Variants in HIVEP3 observed in about 807,000 individuals in gnomAD.
HIVEP3 encodes the protein HIVEP zinc finger 3, also known as transcription factor HIVEP3.
In HIVEP3, 49 loss-of-function variants were observed where a neutral mutation model predicts 152.8. That is an observed-to-expected ratio of 0.32 (90% CI 0.26 to 0.41). The LOEUF (loss-of-function observed/expected upper bound fraction) is 0.41. Among genes scored for constraint, HIVEP3 ranks in the 10% least tolerant of loss-of-function variants. HIVEP3 has a pLI of 1.00. For missense variants in HIVEP3, 2,790 were observed against 3,103.3 expected, an observed-to-expected ratio of 0.90 and a Z score of 2.40; for synonymous variants, 1,269 against 1,289.0, an observed-to-expected ratio of 0.98 and a Z score of 0.33.
chr1:41,737,185 C>T (rs1269812096), intron 1 of HIVEP3, among the ~76,000 whole-genome samples: 1 of 152,192 alleles, frequency 6.6e-6, no homozygotes, highest in Non-Finnish European at 1.5e-5. Context: ...TTACAAGCTA[C>T]GTGGGCTCAG....
At chr1:41,709,529 C>A (rs710245) in intron 1 of HIVEP3, among the ~76,000 whole-genome samples, 1,986 of 152,276 alleles carry the variant, frequency 0.013, 32 homozygotes, top group African/African-American at 0.045. Flanking sequence ...AGTGTCATTT[C>A]CTGACGATCT....
chr1:41,531,866 G>GGAGATGGAGA (rs1643266900), intron 5 of HIVEP3, among the ~76,000 whole-genome samples: 1 of 120,432 alleles, frequency 8.3e-6, no homozygotes, highest in African/African-American at 3.3e-5. Flanking sequence ...GGAGATGGAG[G>GGAGATGGAGA]ACAGGAGAGA....
At chr1:42,029,041 G>C (rs1261469967) in intron 1 of HIVEP3, among the ~76,000 whole-genome samples, 1 of 152,106 alleles carries the variant, frequency 6.6e-6, no homozygotes, top group African/African-American at 2.4e-5. Flanking sequence ...TTTTTTACAA[G>C]AAAAAACACT....
chr1:41,991,861 T>C (rs1371043609), intron 1 of HIVEP3, among the ~76,000 whole-genome samples: 4 of 123,096 alleles, frequency 3.2e-5, no homozygotes, highest in Non-Finnish European at 5.0e-5. Flanking sequence ...AATCAATAAA[T>C]GTAATCCAGC....
chr1:41,637,518 AG>A (rs1373932410), intron 2 of HIVEP3, among the ~76,000 whole-genome samples: 22 of 152,180 alleles, frequency 1.4e-4, no homozygotes, highest in Non-Finnish European at 8.8e-5. Context: ...AGGCCTACAG[AG>A]GCTAAGGCCT....
intron 2 of HIVEP3, among the ~76,000 whole-genome samples, chr1:41,665,231 C>G (rs916136936): frequency 6.6e-6 from 1 of 152,218 alleles, no homozygotes; most frequent in Non-Finnish European, 1.5e-5. Context: ...GACCTCGACT[C>G]TACTCTGTGA....
intron 1 of HIVEP3, among the ~76,000 whole-genome samples, chr1:41,916,705 C>T (rs1026193727): frequency 2.6e-5 from 4 of 152,194 alleles, no homozygotes; most frequent in Non-Finnish European, 5.9e-5. Flanking sequence ...TATTCTTCAG[C>T]CCCACAGTAT....
In HIVEP3 at chr1:41,510,718, C is replaced by A; in HGVS notation, c.6954G>T (p.Pro2318=). Residue 2318 remains proline (P), a synonymous_variant, in exon 9 of 9, where the codon CCG becomes CCT. Transcript: ENST00000372583. The stretch of plus-strand genomic sequence containing the variant: ...ACTGCGCTGCCCGGCGTCCCTGGGG[C>A]GGCCGGGGCAAGGTGTCGGGTGGGG... ...PCTPPDTLPR[P]PQGRRAAQSW... 1 of 1,533,470 alleles carries A rather than the reference C, an allele frequency of 6.5e-7. No homozygotes were observed. The highest frequency in any genetic ancestry group is 1.2e-5 in the South Asian group (1 of 81,750). The allele number at this position is 1,533,470 out of a possible 1,614,324, so 95.0% of individuals were successfully genotyped here. A position where few individuals can be genotyped will look rare whatever the true frequency, so the allele number is the denominator to read the frequency against.
chr1:41,550,921 G>A (rs551568529), intron 5 of HIVEP3, among the ~76,000 whole-genome samples: 2 of 152,300 alleles, frequency 1.3e-5, no homozygotes, highest in East Asian at 3.9e-4. Flanking sequence ...TGTTGAATAG[G>A]AGTGGTGAGA....
intron 1 of HIVEP3, among the ~76,000 whole-genome samples, chr1:41,952,166 A>G (rs1385004197): frequency 1.3e-5 from 2 of 152,178 alleles, no homozygotes; most frequent in African/African-American, 2.4e-5. Context: ...GGATTTTGCA[A>G]CAGAGAGTTA....
chr1:41,916,012 C>T (rs1433281486), intron 1 of HIVEP3, among the ~76,000 whole-genome samples: 4 of 152,192 alleles, frequency 2.6e-5, no homozygotes, highest in African/African-American at 9.7e-5. Flanking sequence ...AGGGAATTCA[C>T]AGAGTAGGGA....
At chr1:41,882,170 G>A (rs1203115007) in intron 1 of HIVEP3, among the ~76,000 whole-genome samples, 1 of 152,158 alleles carries the variant, frequency 6.6e-6, no homozygotes, top group South Asian at 2.1e-4. Flanking sequence ...TGATTTTCAG[G>A]AAGTGGTAAA....
At chr1:41,744,611 G>T (rs535075608) in intron 1 of HIVEP3, among the ~76,000 whole-genome samples, 1 of 152,174 alleles carries the variant, frequency 6.6e-6, no homozygotes, top group African/African-American at 2.4e-5. Context: ...TGTTTGATTT[G>T]CTTTTGTTTT....
chr1:41,811,159 T>C (rs542821261), intron 1 of HIVEP3, among the ~76,000 whole-genome samples: 5 of 151,986 alleles, frequency 3.3e-5, no homozygotes, highest in East Asian at 3.9e-4. Context: ...TTGGTGTTTA[T>C]TGCCCAGTGG....
chr1:41,814,556 A>G (rs971846239), intron 1 of HIVEP3, among the ~76,000 whole-genome samples: 2 of 152,262 alleles, frequency 1.3e-5, no homozygotes, highest in African/African-American at 4.8e-5. Context: ...GATTATAGCC[A>G]TGAATCTTGC....
chr1:41,661,442 G>A (rs887162712), intron 2 of HIVEP3, among the ~76,000 whole-genome samples: 3 of 152,194 alleles, frequency 2.0e-5, no homozygotes, highest in African/African-American at 7.2e-5. Flanking sequence ...AGTAGAAGCC[G>A]CTCTGGAAAC....
chr1:41,564,077 C>CA (rs1434675399), intron 5 of HIVEP3, among the ~76,000 whole-genome samples: 4 of 152,118 alleles, frequency 2.6e-5, no homozygotes, highest in Non-Finnish European at 5.9e-5. Context: ...CCTGTAGTCC[C>CA]AGCTACTCGG....
intron 2 of HIVEP3, among the ~76,000 whole-genome samples, chr1:41,693,238 G>A (rs904209924): frequency 6.6e-6 from 1 of 152,168 alleles, no homozygotes; most frequent in Non-Finnish European, 1.5e-5. Flanking sequence ...GAAAGGTGGG[G>A]ACATTTGAAA....
intron 2 of HIVEP3, among the ~76,000 whole-genome samples, chr1:41,668,504 A>T (rs1048503012): frequency 6.6e-6 from 1 of 152,088 alleles, no homozygotes; most frequent in Non-Finnish European, 1.5e-5. Context: ...CAATCTTCCC[A>T]CTTGCAGTCA....
Sources: allele counts gnomAD v4.1 joint callset (sites outside exome capture counted in the v4.1 genomes callset), GRCh38; gene constraint gnomAD v4.1.1; transcripts MANE v1.5; gene names NCBI Gene and HGNC (gene_info 2026-07-23, HGNC 2026-07-21).